USP40: variants seen among roughly 807,000 people sequenced by gnomAD.
USP40 encodes ubiquitin carboxyl-terminal hydrolase 40.
USP40 carries 143 observed loss-of-function variants against 166.2 expected under a neutral mutation model. That is an observed-to-expected ratio of 0.86 (90% CI 0.75 to 0.99). USP40 has a LOEUF of 0.99. Among genes scored for constraint, USP40 ranks in the 50% least tolerant of loss-of-function variants. The pLI is 0.00. For synonymous variants in USP40, 498 were observed against 524.0 expected, an observed-to-expected ratio of 0.95 and a Z score of 0.68; for missense variants, 1,444 against 1,479.7, an observed-to-expected ratio of 0.98 and a Z score of 0.40.
intron 16 of USP40, 30 bp from the exon 17 acceptor site, chr2:233,521,144 A>G: frequency 6.3e-7 from 1 of 1,595,004 alleles, no homozygotes; most frequent in Non-Finnish European, 8.5e-7. Context: ...ATCAGAAATT[A>G]ATACCTTTCC....
At chr2:233,508,162 T>C (rs2066559851) in intron 21 of USP40, among the ~76,000 whole-genome samples, 1 of 152,224 alleles carries the variant, frequency 6.6e-6, no homozygotes, top group Non-Finnish European at 1.5e-5. Flanking sequence ...CTCTAAAAGA[T>C]ATTTTTAAAA....
intron 18 of USP40, among the ~76,000 whole-genome samples, chr2:233,514,506 G>A (rs1420137592): frequency 2.7e-5 from 4 of 145,582 alleles, no homozygotes; most frequent in Non-Finnish European, 6.1e-5. Flanking sequence ...TTGTGAGTAC[G>A]CAGAAAAGCA....
At chr2:233,539,549 T>G (rs2069202938) in intron 10 of USP40, among the ~76,000 whole-genome samples, 1 of 151,772 alleles carries the variant, frequency 6.6e-6, no homozygotes, top group African/African-American at 2.4e-5. Context: ...ATAAGAGAAA[T>G]TAGAAAATAT....
chr2:233,517,447 C>T (rs1395915372), intron 18 of USP40, among the ~76,000 whole-genome samples: 4 of 143,846 alleles, frequency 2.8e-5, no homozygotes, highest in Non-Finnish European at 6.0e-5. Flanking sequence ...AGCAGTGGCG[C>T]GATCTCGGCT....
chr2:233,491,237 T>C lies in USP40; in HGVS notation c.2942A>G (p.Gln981Arg), dbSNP rs201970236. 933 of 1,612,262 alleles carry C rather than the reference T, an allele frequency of 5.8e-4. 2 individuals are homozygous for C. Among genetic ancestry groups the C allele is most frequent in the Non-Finnish European group, 6.7e-4 (786 of 1,179,200 alleles). Residue 981 changes from glutamine (Q) to arginine (R), a missense_variant, in exon 26 of 32, where the codon CAA becomes CGA. By Grantham distance (43) the Gln-to-Arg change is conservative. Transcript: ENST00000678225. ...SQGASGNEPA[Q>R]VSLLYLGDIE... is the part of the protein sequence containing the mutation. ...GTCTCCCAAGTAGAGGAGAGAAACT[T>C]GCGCAGGCTCGTTCCCAGAAGCACC...
chr2:233,499,976 AACAC>A, intron 21 of USP40, 61 bp from the exon 22 acceptor site: 1 of 1,504,608 alleles, frequency 6.6e-7, no homozygotes, highest in South Asian at 1.2e-5. Context: ...TTCTAGGACA[AACAC>A]CCTTTTTGGA....
intron 22 of USP40, among the ~76,000 whole-genome samples, chr2:233,499,239 T>C (rs2065919789): frequency 6.7e-6 from 1 of 150,166 alleles, no homozygotes; most frequent in African/African-American, 2.4e-5. Context: ...GGCTCCCACT[T>C]ATAAGTAAGA....
chr2:233,564,666 A>G (rs1308305794), intron 2 of USP40, among the ~76,000 whole-genome samples: 1 of 152,128 alleles, frequency 6.6e-6, no homozygotes, highest in Non-Finnish European at 1.5e-5. Context: ...GGAATTCAGA[A>G]TTTCCAGAGT....
At chr2:233,514,591 T>C (rs1157729753) in intron 18 of USP40, among the ~76,000 whole-genome samples, 4 of 152,104 alleles carry the variant, frequency 2.6e-5, no homozygotes. Context: ...TTAACCTAAG[T>C]GCAATGGAAA....
In USP40 at chr2:233,498,637, A is replaced by T. The variant is rs180911304; in HGVS notation, c.2651-25T>A. 2.7e-3 allele frequency: 4,352 copies of T among 1,600,278 alleles called. 7 individuals carry two copies. Among genetic ancestry groups the T allele is most frequent in the Non-Finnish European group, 3.4e-3 (4,009 of 1,171,364 alleles). On this transcript the variant is annotated intron_variant, in intron 22 of 31. Transcript: ENST00000678225. The stretch of plus-strand genomic sequence containing the variant: ...CCTATAAAGGAGTCAAAATTGGGAT[A>T]AAAAAAATTCAAAGTTAGGTGAGAC...
At chr2:233,528,535 G>A (rs967204071) in intron 12 of USP40, among the ~76,000 whole-genome samples, 23 of 152,284 alleles carry the variant, frequency 1.5e-4, no homozygotes, top group Non-Finnish European at 2.9e-4. Flanking sequence ...GCGGGTTGAT[G>A]ACAGCCCCTC....
At chr2:233,506,254 T>C (rs956283179) in intron 21 of USP40, among the ~76,000 whole-genome samples, 11 of 152,208 alleles carry the variant, frequency 7.2e-5, no homozygotes, top group Admixed American at 5.2e-4. Flanking sequence ...GGGAAAATGA[T>C]AGTCTCTTCA....
At chr2:233,512,654 A>G (rs750376024) in intron 18 of USP40, 32 bp from the exon 19 acceptor site, 3 of 861,048 alleles carry the variant, frequency 3.5e-6, no homozygotes, top group Non-Finnish European at 4.7e-6. Context: ...TTTTTCTTAG[A>G]GAGCTAGGAA....
Position 233,485,796 on chromosome 2 carries a change from T to A in USP40, c.3379A>T (p.Lys1127Ter). The A allele has an allele frequency of 1.2e-6, 2 of 1,612,542 alleles. No individual in the cohort carries two copies. Among genetic ancestry groups the A allele is most frequent in the Non-Finnish European group, 8.5e-7 (1 of 1,179,492 alleles). The change falls in exon 29 of 32, where the codon AAG becomes TAG. Residue 1127 changes from lysine to a stop codon, truncating the protein, a stop_gained. Transcript: ENST00000678225. LOFTEE classifies it high-confidence loss of function. ...KIEIAKYFPE[K>*]FEWLPISSWN... ...CTAGATATCGGAAGCCACTCGAACT[T>A]TTCGGGAAAGTATTTGGCAATTTCA...
chr2:233,537,894 C>T (rs994558591), intron 10 of USP40, among the ~76,000 whole-genome samples: 3 of 152,210 alleles, frequency 2.0e-5, no homozygotes, highest in African/African-American at 4.8e-5. Context: ...AAGATAAATA[C>T]GAAACACTAT....
chr2:233,534,761 A>AT (rs1291730795), intron 10 of USP40, among the ~76,000 whole-genome samples: 1 of 152,120 alleles, frequency 6.6e-6, no homozygotes. Flanking sequence ...CTTTCTTTTC[A>AT]TTTTTTGTTC....
Position 233,564,337 on chromosome 2 carries a change from T to G in USP40, c.199+1019A>C, listed in dbSNP as rs936749301. 1.1e-4 allele frequency among the ~76,000 whole-genome samples: 16 copies of G among 152,278 alleles called. No individual in the cohort carries two copies. The South Asian group carries it at 3.3e-3, about 32-fold the overall frequency. On this transcript the variant is annotated intron_variant, in intron 2 of 31. Transcript: ENST00000678225. ...CTAATATGGAGACACTGTGGAGAGCTGAGCTACAAAGCCATGTAGTGCTGG... is the reference window on the plus strand; with the variant it reads ...CTAATATGGAGACACTGTGGAGAGCGGAGCTACAAAGCCATGTAGTGCTGG...
chr2:233,527,326 T>C (rs761323425), intron 13 of USP40, 81 bp downstream of exon 13: 2 of 1,459,506 alleles, frequency 1.4e-6, no homozygotes, highest in Non-Finnish European at 1.8e-6. Flanking sequence ...AATAAAGTTG[T>C]ATCCTAAACA....
chr2:233,506,939 C>T (rs1470072421), intron 21 of USP40, among the ~76,000 whole-genome samples: 4 of 150,862 alleles, frequency 2.7e-5, no homozygotes, highest in South Asian at 2.1e-4. Context: ...AGTTAATATC[C>T]GGAATATATT....
Sources: allele counts gnomAD v4.1 joint callset (sites outside exome capture counted in the v4.1 genomes callset), GRCh38; gene constraint gnomAD v4.1.1; transcripts MANE v1.5; gene names NCBI Gene and HGNC (gene_info 2026-07-23, HGNC 2026-07-21).